SBF2: variants seen among roughly 807,000 people sequenced by gnomAD.
SBF2 encodes myotubularin-related protein 13.
In SBF2, 112 loss-of-function variants were observed where a neutral mutation model predicts 225.2. That is an observed-to-expected ratio of 0.50 (90% confidence interval 0.43 to 0.58). SBF2 has a LOEUF of 0.58. Ranked by LOEUF, SBF2 falls within the 20% of genes least tolerant of loss-of-function variation. SBF2 has a pLI of 0.00. For synonymous variants in SBF2, 763 were observed against 773.3 expected (o/e 0.99, Z 0.22); for missense variants, 1,996 against 2,206.2 (o/e 0.90, Z 1.91).
intron 1 of SBF2, among the ~76,000 whole-genome samples, chr11:10,211,737 C>G (rs1283226953): frequency 6.6e-6 from 1 of 152,048 alleles, no homozygotes; most frequent in Non-Finnish European, 1.5e-5. Flanking sequence ...ACCATGGAGG[C>G]AATATGATGA....
At chr11:10,133,500 C>A (rs1954186839) in intron 2 of SBF2, among the ~76,000 whole-genome samples, 1 of 136,714 alleles carries the variant, frequency 7.3e-6, no homozygotes, top group Non-Finnish European at 1.7e-5. Context: ...TGCCGGTGGG[C>A]CAGCACTGCT....
intron 1 of SBF2, among the ~76,000 whole-genome samples, chr11:10,239,590 C>A (rs1174923043): frequency 2.1e-5 from 3 of 145,264 alleles, no homozygotes; most frequent in Non-Finnish European, 4.6e-5. Flanking sequence ...CTTTCAAGAT[C>A]ATAGACATCA....
chr11:10,274,750 CAAAAA>C (rs200010291), intron 1 of SBF2, among the ~76,000 whole-genome samples: 5 of 105,040 alleles, frequency 4.8e-5, no homozygotes, highest in Non-Finnish European at 5.6e-5. Flanking sequence ...GACTCCATCT[CAAAAA>C]AAAAAAAAAA....
At chr11:9,873,708 G>A (rs1008849910) in intron 17 of SBF2, among the ~76,000 whole-genome samples, 2 of 152,186 alleles carry the variant, frequency 1.3e-5, no homozygotes, top group African/African-American at 4.8e-5. Flanking sequence ...TAGTAGTTCA[G>A]CACTATATTA....
chr11:9,876,821 C>T (rs1859290369), intron 17 of SBF2, among the ~76,000 whole-genome samples: 2 of 152,070 alleles, frequency 1.3e-5, no homozygotes, highest in South Asian at 4.2e-4. Flanking sequence ...CTCACTGCAA[C>T]CTCTGCCTCC....
intron 1 of SBF2, among the ~76,000 whole-genome samples, chr11:10,211,649 G>A (rs940718428): frequency 1.3e-5 from 2 of 152,178 alleles, no homozygotes; most frequent in Non-Finnish European, 2.9e-5. Flanking sequence ...AGGGGACCAG[G>A]ATAACGTACT....
chr11:10,243,844 C>T (rs2135467491), intron 1 of SBF2, among the ~76,000 whole-genome samples: 1 of 152,204 alleles, frequency 6.6e-6, no homozygotes, highest in Non-Finnish European at 1.5e-5. Context: ...GACCAGATGA[C>T]TTCAGGGATA....
At chr11:9,828,577 T>G (rs1247132135) in intron 28 of SBF2, 2 of 985,212 alleles carry the variant, frequency 2.0e-6, no homozygotes, top group Non-Finnish European at 2.4e-6. Flanking sequence ...TGCTCCTGTG[T>G]CTAACACATT....
intron 2 of SBF2, among the ~76,000 whole-genome samples, chr11:10,136,648 G>A (rs994201915): frequency 6.6e-6 from 1 of 152,160 alleles, no homozygotes; most frequent in Non-Finnish European, 1.5e-5. Context: ...GGGAGGTAAG[G>A]TACTCTTGTG....
chr11:9,999,396 C>T (rs939756837), intron 8 of SBF2, among the ~76,000 whole-genome samples: 4 of 152,092 alleles, frequency 2.6e-5, no homozygotes, highest in African/African-American at 9.7e-5. Flanking sequence ...TCTTGACTCA[C>T]TGCAACCTCC....
At chr11:9,999,302 T>C (rs1214362538) in intron 8 of SBF2, among the ~76,000 whole-genome samples, 2 of 151,032 alleles carry the variant, frequency 1.3e-5, no homozygotes, top group African/African-American at 2.4e-5. Flanking sequence ...TGTATGTATG[T>C]ATGTATGTAT....
intron 16 of SBF2, among the ~76,000 whole-genome samples, chr11:9,936,054 C>G (rs1009397556): frequency 2.6e-5 from 4 of 151,988 alleles, no homozygotes; most frequent in Non-Finnish European, 5.9e-5. Flanking sequence ...TGCAATCTAC[C>G]CATCTGACAA....
chr11:10,167,974 T>A (rs1328005839), intron 2 of SBF2, among the ~76,000 whole-genome samples: 3 of 152,204 alleles, frequency 2.0e-5, no homozygotes, highest in African/African-American at 7.2e-5. Flanking sequence ...GTAGAGATCG[T>A]GCCACTGCAC....
chr11:10,015,792 A>G (rs1172303045), intron 6 of SBF2, among the ~76,000 whole-genome samples: 1 of 152,088 alleles, frequency 6.6e-6, no homozygotes, highest in African/African-American at 2.4e-5. Flanking sequence ...GACTCTGGGG[A>G]AAAACTTGTC....
chr11:10,087,162 C>G (rs958447267), intron 2 of SBF2, among the ~76,000 whole-genome samples: 3 of 151,944 alleles, frequency 2.0e-5, no homozygotes, highest in Admixed American at 2.0e-4. Context: ...TCTTCTGGGT[C>G]CTGGTGCTTG....
intron 2 of SBF2, among the ~76,000 whole-genome samples, chr11:10,117,803 A>G (rs1041667239): frequency 3.9e-5 from 6 of 152,056 alleles, no homozygotes; most frequent in African/African-American, 9.7e-5. Flanking sequence ...TACTTATGCA[A>G]TATGACTCCA....
At chr11:10,293,436 T>C (rs754369108) in intron 1 of SBF2, among the ~76,000 whole-genome samples, 2 of 152,198 alleles carry the variant, frequency 1.3e-5, no homozygotes, top group Non-Finnish European at 2.9e-5. Flanking sequence ...CCTGAAAGAA[T>C]AGGGAGCATT....
intron 16 of SBF2, among the ~76,000 whole-genome samples, chr11:9,915,223 C>A (rs1417619438): frequency 6.6e-6 from 1 of 151,480 alleles, no homozygotes; most frequent in African/African-American, 2.4e-5. Flanking sequence ...CCGAGGCGGG[C>A]AGATCATGAG....
intron 25 of SBF2, among the ~76,000 whole-genome samples, chr11:9,840,924 T>TA (rs1856088527): frequency 6.6e-6 from 1 of 151,410 alleles, no homozygotes; most frequent in Non-Finnish European, 1.5e-5. Context: ...TTTTTTTTTT[T>TA]AAAGAACATT....
Sources: gnomAD v4.1 joint callset for allele counts (sites outside exome capture counted in the v4.1 genomes callset) on GRCh38, gnomAD v4.1.1 for gene constraint, MANE v1.5 for transcripts, NCBI Gene and HGNC (gene_info 2026-07-23, HGNC 2026-07-21) for gene names.